RB1: variants seen among roughly 807,000 people sequenced by gnomAD.
RB1 encodes RB transcriptional corepressor 1, also known as retinoblastoma-associated protein.
A neutral mutation model predicts 135.4 loss-of-function variants in RB1; 18 were observed. The observed-to-expected ratio is 0.13, with a 90% CI of 0.09 to 0.20. The LOEUF (loss-of-function observed/expected upper bound fraction) is 0.20, where lower values mean the gene tolerates loss of function less well. Among genes scored for constraint, RB1 ranks in the 10% least tolerant of loss-of-function variants. The pLI is 1.00. For missense variants in RB1, 868 were observed against 1,110.0 expected, an observed-to-expected ratio of 0.78 and a Z score of 3.10; for synonymous variants, 365 against 373.2, an observed-to-expected ratio of 0.98 and a Z score of 0.25.
At chr13:48,459,985 T>TTTTTC (rs1949394360) in intron 20 of RB1, 152 bp downstream of exon 20, 1 of 587,414 alleles carries the variant, frequency 1.7e-6, no homozygotes, top group African/African-American at 2.0e-5. Flanking sequence ...CTTTCTTTTT[T>TTTTTC]TTGAGATAGA....
intron 26 of RB1, among the ~76,000 whole-genome samples, chr13:48,478,288 CT>C (rs1245971421): frequency 3.3e-5 from 5 of 152,088 alleles, no homozygotes; most frequent in African/African-American, 1.2e-4. Context: ...TAAAAGGATG[CT>C]TTTTTTCTAT....
intron 1 of RB1, among the ~76,000 whole-genome samples, chr13:48,304,259 T>G (rs551176580): frequency 6.6e-6 from 1 of 152,182 alleles, no homozygotes; most frequent in Non-Finnish European, 1.5e-5. Context: ...CGGCTTCAAC[T>G]TGACAGGTGT....
intron 17 of RB1, among the ~76,000 whole-genome samples, chr13:48,386,469 G>T (rs1177745631): frequency 1.3e-5 from 2 of 152,174 alleles, no homozygotes. Flanking sequence ...CTGTCTTGAG[G>T]AAAAATACTT....
chr13:48,453,628 A>G (rs1045763006), intron 18 of RB1, among the ~76,000 whole-genome samples: 1 of 152,198 alleles, frequency 6.6e-6, no homozygotes, highest in Admixed American at 6.5e-5. Context: ...GGTCTCAATC[A>G]ATGTAGTAGT....
intron 17 of RB1, among the ~76,000 whole-genome samples, chr13:48,444,264 C>T (rs532448612): frequency 6.6e-6 from 1 of 152,282 alleles, no homozygotes; most frequent in South Asian, 2.1e-4. Context: ...AGCCTGTAAT[C>T]CCAGCACTTT....
At chr13:48,317,243 T>C (rs2138049080) in intron 2 of RB1, 1 of 404,986 alleles carries the variant, frequency 2.5e-6, no homozygotes, top group Non-Finnish European at 4.3e-6. Flanking sequence ...CTTTCCAAAA[T>C]GGAAGAGCTG....
chr13:48,424,110 A>G (rs1175625529), intron 17 of RB1: 1 of 152,658 alleles, frequency 6.6e-6, no homozygotes, highest in Non-Finnish European at 1.5e-5. Context: ...GCTCATTATG[A>G]TAAAATTTTC....
Position 48,380,060 on chromosome 13 carries a change from A to C in RB1, c.1397A>C (p.Glu466Ala). Reference protein sequence around the residue: ...VMESMLKSEEERLSIQNFSKL... With the variant: ...VMESMLKSEEARLSIQNFSKL... ...TTAAATTATCTGTTTCAGGAAGAAG[A>C]ACGATTATCCATTCAAAATTTTAGG... The change falls in exon 15 of 27, where the codon GAA becomes GCA. Residue 466 changes from glutamate to alanine, a missense_variant. By Grantham distance (107) the Glu-to-Ala change is moderately radical. This residue lies in a region of RB1 where 641 missense variants were observed against 791.3 expected (regional missense o/e 0.81). Transcript: ENST00000267163. The C allele has an allele frequency of 7.3e-7, 1 of 1,369,430 alleles. No homozygotes were observed. Among genetic ancestry groups the C allele is most frequent in the Non-Finnish European group, 9.9e-7 (1 of 1,010,636 alleles). 84.8% of individuals were successfully genotyped at this position (1,369,430 alleles called of 1,614,324 possible).
intron 17 of RB1, chr13:48,411,174 C>A: frequency 2.2e-6 from 1 of 454,826 alleles, no homozygotes; most frequent in Non-Finnish European, 3.9e-6. Flanking sequence ...AGGAACAAAT[C>A]AAAATGGCTC....
intron 23 of RB1, among the ~76,000 whole-genome samples, chr13:48,472,098 G>A (rs1949474513): frequency 6.6e-6 from 1 of 152,120 alleles, no homozygotes; most frequent in Admixed American, 6.6e-5. Flanking sequence ...GTTATCATGG[G>A]CTATTTGAAA....
At chr13:48,472,732 G>T (rs1566239663) in intron 23 of RB1, among the ~76,000 whole-genome samples, 1 of 152,076 alleles carries the variant, frequency 6.6e-6, no homozygotes, top group African/African-American at 2.4e-5. Flanking sequence ...TATGTAGAGT[G>T]ATGGCCACTT....
Position 48,319,331 on chromosome 13 carries a change from C to G in RB1, c.264+11925C>G, listed in dbSNP as rs1282481940. 2 of 551,142 alleles carry G rather than the reference C, an allele frequency of 3.6e-6. No individual in the cohort carries two copies. The highest frequency in any genetic ancestry group is 5.4e-5 in the Admixed American group (2 of 36,788). 34.1% of individuals were successfully genotyped at this position (551,142 alleles called of 1,614,324 possible). On this transcript the variant is annotated intron_variant, in intron 2 of 26. Coordinates refer to ENST00000267163, the MANE Select transcript of RB1 (RefSeq NM_000321.3). This position sits in a 1 kb window ranked among gnomAD's most constrained non-coding sequence, Gnocchi z 5.0. ...GGCGCTGGGCCCTCTGGGGCAGGTC[C>G]CCGTTGGCCTCCTTGCGTGTTTGCC...
intron 17 of RB1, among the ~76,000 whole-genome samples, chr13:48,421,380 A>C (rs1949002854): frequency 6.6e-6 from 1 of 152,234 alleles, no homozygotes; most frequent in Non-Finnish European, 1.5e-5. Context: ...GATGGATTAA[A>C]GAGTTAAATG....
intron 23 of RB1, among the ~76,000 whole-genome samples, chr13:48,471,798 G>T (rs1949472647): frequency 6.6e-6 from 1 of 152,090 alleles, no homozygotes; most frequent in South Asian, 2.1e-4. Flanking sequence ...TGTAAGTTTT[G>T]CTTCCTGTGG....
chr13:48,308,304 C>T (rs7323571), intron 2 of RB1, among the ~76,000 whole-genome samples: 3 of 151,080 alleles, frequency 2.0e-5, no homozygotes, highest in East Asian at 1.9e-4. Flanking sequence ...AAGCCAAGAT[C>T]GCACCACTGC....
At chr13:48,322,669 A>G (rs915801407) in intron 2 of RB1, among the ~76,000 whole-genome samples, 6 of 152,192 alleles carry the variant, frequency 3.9e-5, no homozygotes, top group African/African-American at 1.4e-4. Context: ...GGGTTTTTGT[A>G]GATGCCTTTC....
At chr13:48,389,074 C>T (rs1221539873) in intron 17 of RB1, among the ~76,000 whole-genome samples, 1 of 152,032 alleles carries the variant, frequency 6.6e-6, no homozygotes, top group Non-Finnish European at 1.5e-5. Context: ...GCATGAGAAT[C>T]GCTTGAGCCC....
chr13:48,327,568 C>T (rs1364407364), intron 2 of RB1, among the ~76,000 whole-genome samples: 6 of 152,076 alleles, frequency 3.9e-5, no homozygotes, highest in African/African-American at 1.2e-4. Flanking sequence ...AAAACAAATG[C>T]CCATGAAGAA....
intron 17 of RB1, among the ~76,000 whole-genome samples, chr13:48,436,620 GT>G (rs1019023332): frequency 1.9e-4 from 29 of 151,302 alleles, no homozygotes; most frequent in Non-Finnish European, 4.0e-4. Context: ...TCCAGCCTGG[GT>G]GACAAGAGCA....
Sources: allele counts gnomAD v4.1 joint callset (sites outside exome capture counted in the v4.1 genomes callset), GRCh38; gene constraint gnomAD v4.1.1; regional missense constraint gnomAD v4.1.1; non-coding constraint Gnocchi (gnomAD v3.1); transcripts MANE v1.5; gene names NCBI Gene and HGNC (gene_info 2026-07-23, HGNC 2026-07-21).